The following XKR9 variants were observed in gnomAD, a reference collection of about 807,000 sequenced individuals.
XKR9 encodes the protein XK-related protein 9.
Under a neutral mutation model 32.0 loss-of-function variants are expected in XKR9, and 32 were observed. The ratio of observed to expected loss-of-function variants is 1.00; its 90% CI spans 0.76 to 1.34. XKR9 has a LOEUF of 1.34. XKR9 is among the 40% of genes most tolerant of loss of function. The pLI, the probability that XKR9 is intolerant of heterozygous loss-of-function variation, is 0.00. For missense variants in XKR9, 546 were observed against 429.7 expected (o/e 1.27, Z -2.39); for synonymous variants, 168 against 143.4 (o/e 1.17, Z -1.22).
chr8:70,931,388 G>T, the XKR9 span, among the ~76,000 whole-genome samples: 1 of 152,274 alleles, frequency 6.6e-6, no homozygotes, highest in East Asian at 1.9e-4. Flanking sequence ...GCCAGGTTGT[G>T]TGGTAGGATC....
At chr8:70,712,581 G>A (rs904444610) in intron 4 of XKR9, among the ~76,000 whole-genome samples, 1 of 152,064 alleles carries the variant, frequency 6.6e-6, no homozygotes, top group African/African-American at 2.4e-5. Context: ...TTACCTACCT[G>A]ACTCCTGACT....
chr8:70,829,783 G>A, the XKR9 span, among the ~76,000 whole-genome samples: 1 of 151,966 alleles, frequency 6.6e-6, no homozygotes, highest in Non-Finnish European at 1.5e-5. Context: ...ACCAACTTAC[G>A]TTCCCAAAGA....
At chr8:70,794,152 G>T (rs1022759252), downstream of XKR9, among the ~76,000 whole-genome samples, 12 of 152,030 alleles carry the variant, frequency 7.9e-5, no homozygotes, top group South Asian at 2.1e-4. Context: ...TCACTTTTAG[G>T]TTGTTCATTG....
At chr8:70,935,208 T>C in the XKR9 span, among the ~76,000 whole-genome samples, 47,876 of 145,362 alleles carry the variant, frequency 0.33, 9,149 homozygotes, top group Non-Finnish European at 0.43. Context: ...TATACATATA[T>C]ACACACACAC....
At chr8:70,968,307 T>G in the XKR9 span, among the ~76,000 whole-genome samples, 2 of 152,200 alleles carry the variant, frequency 1.3e-5, no homozygotes, top group African/African-American at 4.8e-5. Flanking sequence ...TGCTCCTCTC[T>G]GAACTGGATA....
the XKR9 span, among the ~76,000 whole-genome samples, chr8:70,824,986 A>G: frequency 6.6e-6 from 1 of 152,180 alleles, no homozygotes; most frequent in Middle Eastern, 3.4e-3. Context: ...TCAATCCTGA[A>G]AGTCAGGTTA....
chr8:71,045,508 A>G, the XKR9 span, among the ~76,000 whole-genome samples: 2 of 152,190 alleles, frequency 1.3e-5, no homozygotes, highest in South Asian at 4.1e-4. Flanking sequence ...CAAGGAAGAG[A>G]GCCTTTTCAC....
chr8:70,822,744 C>T, the XKR9 span, among the ~76,000 whole-genome samples: 3 of 151,922 alleles, frequency 2.0e-5, no homozygotes, highest in African/African-American at 7.3e-5. Context: ...GCCCCCAACC[C>T]CAGTTTTTTA....
intron 4 of XKR9, among the ~76,000 whole-genome samples, chr8:70,710,076 G>A (rs1329887563): frequency 2.0e-5 from 3 of 152,102 alleles, no homozygotes; most frequent in South Asian, 4.1e-4. Context: ...CAGCATGATA[G>A]TGGTATAAAA....
At chr8:70,812,360 C>G in the XKR9 span, among the ~76,000 whole-genome samples, 10 of 152,312 alleles carry the variant, frequency 6.6e-5, no homozygotes, top group African/African-American at 2.4e-4. Flanking sequence ...AAACTGGAAG[C>G]TTTCTCTTTG....
the XKR9 span, among the ~76,000 whole-genome samples, chr8:70,981,146 C>G: frequency 6.6e-6 from 1 of 152,032 alleles, no homozygotes; most frequent in African/African-American, 2.4e-5. Context: ...ATGAATTTCC[C>G]AGGTGTTCTT....
At chr8:71,002,509 T>C in the XKR9 span, among the ~76,000 whole-genome samples, 1 of 152,092 alleles carries the variant, frequency 6.6e-6, no homozygotes, top group Non-Finnish European at 1.5e-5. Flanking sequence ...ATTTAATTTA[T>C]ATAAAATAGT....
intron 3 of XKR9, among the ~76,000 whole-genome samples, chr8:70,706,509 G>T (rs1300157537): frequency 6.6e-6 from 1 of 152,058 alleles, no homozygotes; most frequent in African/African-American, 2.4e-5. Context: ...ATTGCAGTTT[G>T]TCTTTCAGAA....
the XKR9 span, among the ~76,000 whole-genome samples, chr8:70,929,307 T>C: frequency 1.3e-5 from 2 of 152,342 alleles, no homozygotes; most frequent in African/African-American, 4.8e-5. Context: ...TAATTAAAAT[T>C]AATTTAAACT....
chr8:70,842,765 A>G, the XKR9 span, among the ~76,000 whole-genome samples: 2 of 152,198 alleles, frequency 1.3e-5, no homozygotes, highest in African/African-American at 4.8e-5. Context: ...GCTGCTATTT[A>G]CTAGCTGAAA....
At chr8:70,762,748 C>T (rs1336252866) in intron 2 of XKR9, among the ~76,000 whole-genome samples, 1 of 152,052 alleles carries the variant, frequency 6.6e-6, no homozygotes, top group Non-Finnish European at 1.5e-5. Context: ...CAGTGCTAGC[C>T]ACTGATGTCC....
chr8:70,703,911 G>A (rs1195130435), intron 3 of XKR9, among the ~76,000 whole-genome samples: 1 of 152,088 alleles, frequency 6.6e-6, no homozygotes, highest in African/African-American at 2.4e-5. Context: ...GGCTGGGCGT[G>A]GTACCTCACG....
chr8:70,878,765 G>A, the XKR9 span, among the ~76,000 whole-genome samples: 2 of 152,028 alleles, frequency 1.3e-5, no homozygotes, highest in African/African-American at 4.8e-5. Context: ...AAGTTAACAA[G>A]GGTACCCAGG....
the XKR9 span, among the ~76,000 whole-genome samples, chr8:70,879,888 C>T: frequency 1.3e-5 from 2 of 152,192 alleles, no homozygotes; most frequent in African/African-American, 4.8e-5. Context: ...AAAATACTGG[C>T]AAACCGAATC....
Sources: gnomAD v4.1 joint callset for allele counts (sites outside exome capture counted in the v4.1 genomes callset) on GRCh38, gnomAD v4.1.1 for gene constraint, MANE v1.5 for transcripts, NCBI Gene and HGNC (gene_info 2026-07-23, HGNC 2026-07-21) for gene names.